Variants in QPRT observed in about 807,000 individuals in gnomAD.
QPRT encodes the protein quinolinate phosphoribosyltransferase, also known as nicotinate-nucleotide pyrophosphorylase [carboxylating].
Under a neutral mutation model 19.8 loss-of-function variants are expected in QPRT, and 17 were observed. The ratio of observed to expected loss-of-function variants is 0.86; its 90% CI spans 0.59 to 1.29. The LOEUF is 1.29. Ranked by LOEUF, QPRT falls within the 50% of genes most tolerant of loss-of-function variation. QPRT has a pLI of 0.00. For synonymous variants in QPRT, 178 were observed against 191.0 expected, an observed-to-expected ratio of 0.93 and a Z score of 0.56; for missense variants, 336 against 405.1, an observed-to-expected ratio of 0.83 and a Z score of 1.46.
At chr16:29,694,362 G>A (rs1032036016) in intron 1 of QPRT, among the ~76,000 whole-genome samples, 3 of 150,676 alleles carry the variant, frequency 2.0e-5, no homozygotes, top group Non-Finnish European at 4.4e-5. Flanking sequence ...CTCGTGATCC[G>A]CCCGCCTCGG....
intron 1 of QPRT, among the ~76,000 whole-genome samples, chr16:29,688,407 G>T (rs575169132): frequency 6.6e-6 from 1 of 152,136 alleles, no homozygotes; most frequent in African/African-American, 2.4e-5. Context: ...ACGATGCAGA[G>T]GTGAACACGG....
chr16:29,684,073 C>A (rs924980596), intron 1 of QPRT, among the ~76,000 whole-genome samples: 1 of 152,158 alleles, frequency 6.6e-6, no homozygotes, highest in African/African-American at 2.4e-5. Flanking sequence ...GGTACCCACT[C>A]CTGATGATGC....
At chr16:29,688,682 G>A (rs1967232669) in intron 1 of QPRT, among the ~76,000 whole-genome samples, 1 of 151,784 alleles carries the variant, frequency 6.6e-6, no homozygotes, top group Non-Finnish European at 1.5e-5. Flanking sequence ...ACCACACCCA[G>A]CTAAGTTTTG....
rs909659535 is a variant in QPRT, at chr16:29,694,831, G to C, written c.181G>C (p.Asp61His). The C allele has an allele frequency of 1.2e-6, 2 of 1,613,980 alleles. No homozygotes were observed. The highest frequency in any genetic ancestry group is 2.7e-5 in the African/African-American group (2 of 74,920). ...GGTACTGGCAGGGCAGCCTTTCTTC[G>C]ATGCCATATTTACCCAACTCAACTG... Reference protein sequence around the residue: ...PGVLAGQPFFDAIFTQLNCQV... With the variant: ...PGVLAGQPFFHAIFTQLNCQV... The change falls in exon 2 of 4, where the codon GAT (aspartate) becomes CAT (histidine). Residue 61 changes from aspartate (D) to histidine (H), a missense_variant. Physicochemically the swap from Asp to His is moderately conservative, Grantham distance 81. Transcript: ENST00000395384.
chr16:29,693,468 AG>A (rs1207130758), intron 1 of QPRT, among the ~76,000 whole-genome samples: 4 of 152,110 alleles, frequency 2.6e-5, no homozygotes, highest in African/African-American at 9.6e-5. Flanking sequence ...CATGTTGGCC[AG>A]GCTGGTCTTG....
chr16:29,687,181 G>A (rs567647757), intron 1 of QPRT, among the ~76,000 whole-genome samples: 1 of 152,180 alleles, frequency 6.6e-6, no homozygotes, highest in East Asian at 1.9e-4. Context: ...TGGTCCCTCT[G>A]TGCTTCCTGT....
At position 29,696,982 on chromosome 16, in the gene QPRT, CG is replaced by C; in HGVS notation, c.550-12del. ...GGCCCAGTCCTCACCCTTGTCCTCCCGGCTGCCCAGCAGGCGGTGCGGGCGG... is the reference window on the plus strand; with the variant it reads ...GGCCCAGTCCTCACCCTTGTCCTCCCGCTGCCCAGCAGGCGGTGCGGGCGG... On this transcript the variant is annotated splice_polypyrimidine_tract_variant and intron_variant, in intron 2 of 3. Transcript: ENST00000395384. 6.3e-7 allele frequency: 1 copy of C among 1,589,416 alleles called. No individual in the cohort carries two copies. Among genetic ancestry groups the C allele is most frequent in the Non-Finnish European group, 8.5e-7 (1 of 1,170,210 alleles).
chr16:29,692,177 T>C (rs934402389), intron 1 of QPRT, among the ~76,000 whole-genome samples: 5 of 152,224 alleles, frequency 3.3e-5, no homozygotes, highest in Non-Finnish European at 7.3e-5. Flanking sequence ...GGTTTGCCTC[T>C]GCCCGCAGCC....
rs750754975 is a variant in QPRT at position 29,695,146 on chromosome 16, G to A, written c.496G>A (p.Gly166Arg). 3.9e-5 allele frequency: 62 copies of A among 1,578,782 alleles called. No individual in the cohort carries two copies. The highest frequency in any genetic ancestry group is 4.9e-5 in the Non-Finnish European group (57 of 1,163,078). ...GAASHRYDLG[G>R]LVMVKDNHVV... ...CGCCTCGCACCGCTACGACCTGGGA[G>A]GGCTGGTGATGGTGAAGGATAACCA... Residue 166 changes from glycine to arginine, a missense_variant, in exon 2 of 4, where the codon GGG (glycine) becomes AGG (arginine). Transcript: ENST00000395384.
At position 29,694,682 on chromosome 16, in the gene QPRT, C is replaced by T. The variant is rs201988464; in HGVS notation, c.32C>T (p.Pro11Leu). MDAEGLALLL[P>L]PVTLAALVDS... ...CCCCCAGGCCTGGCGCTGCTGCTGC[C>T]GCCCGTCACCCTGGCAGCCCTGGTG... Residue 11 changes from proline to leucine, a missense_variant, in exon 2 of 4, where the codon CCG (proline) becomes CTG (leucine). Coordinates refer to ENST00000395384, the MANE Select transcript of QPRT (RefSeq NM_014298.6). 1.3e-5 allele frequency: 20 copies of T among 1,546,008 alleles called. No homozygotes were observed. In the East Asian group the frequency reaches 2.7e-4, roughly 21 times the overall value.
chr16:29,687,340 C>T (rs1967193071), intron 1 of QPRT, among the ~76,000 whole-genome samples: 1 of 152,200 alleles, frequency 6.6e-6, no homozygotes, highest in Non-Finnish European at 1.5e-5. Flanking sequence ...CAAATATTGG[C>T]AATTTTATAT....
At chr16:29,693,525 C>A (rs960023400) in intron 1 of QPRT, among the ~76,000 whole-genome samples, 2 of 151,592 alleles carry the variant, frequency 1.3e-5, no homozygotes, top group African/African-American at 4.8e-5. Flanking sequence ...TCCCAAAGTG[C>A]TGGGATTACA....
chr16:29,681,481 C>T (rs1240468443), intron 1 of QPRT, among the ~76,000 whole-genome samples: 1 of 140,998 alleles, frequency 7.1e-6, no homozygotes, highest in Non-Finnish European at 1.5e-5. Flanking sequence ...TAATTTTCAT[C>T]AGATCCAGAT....
intron 2 of QPRT, 124 bp from the exon 3 acceptor site, chr16:29,696,872 C>G: frequency 8.4e-7 from 1 of 1,190,554 alleles, no homozygotes; most frequent in Non-Finnish European, 1.1e-6. Context: ...AATGTCAGTC[C>G]CGGCTCCCCG....
intron 1 of QPRT, among the ~76,000 whole-genome samples, chr16:29,692,115 T>C (rs933291352): frequency 3.9e-5 from 6 of 152,068 alleles, no homozygotes; most frequent in African/African-American, 1.2e-4. Context: ...GGGGGTCCAT[T>C]AGGCTGCAGG....
rs1402262135 is a variant in QPRT, at chr16:29,694,647, T to C, written c.14-17T>C. On this transcript the variant is annotated splice_polypyrimidine_tract_variant and intron_variant, in intron 1 of 3. Coordinates refer to ENST00000395384, the MANE Select transcript of QPRT (RefSeq NM_014298.6). ...GAGAGGCAGCCAAACTCAACAGCTGTTCTCTCTTCCCCCCAGGCCTGGCGC... is the reference window on the plus strand; with the variant it reads ...GAGAGGCAGCCAAACTCAACAGCTGCTCTCTCTTCCCCCCAGGCCTGGCGC... The C allele has an allele frequency of 1.3e-6, 2 of 1,515,602 alleles. No homozygotes were observed. The highest frequency in any genetic ancestry group is 1.8e-6 in the Non-Finnish European group (2 of 1,133,656). 93.9% of individuals were successfully genotyped at this position (1,515,602 alleles called of 1,614,324 possible).
At chr16:29,679,318 T>G in intron 1 of QPRT, 108 bp downstream of exon 1, 1 of 766,270 alleles carries the variant, frequency 1.3e-6, no homozygotes, top group South Asian at 1.8e-5. Context: ...TGGAGTCATC[T>G]CTCCTCTGGT....
At chr16:29,691,156 G>C (rs1967315548) in intron 1 of QPRT, among the ~76,000 whole-genome samples, 1 of 151,664 alleles carries the variant, frequency 6.6e-6, no homozygotes, top group Non-Finnish European at 1.5e-5. Flanking sequence ...CCTGAGGTCA[G>C]GAGTTTGAGA....
intron 1 of QPRT, among the ~76,000 whole-genome samples, chr16:29,685,635 A>G (rs750334372): frequency 1.3e-5 from 2 of 151,954 alleles, no homozygotes; most frequent in African/African-American, 2.4e-5. Context: ...TTGCCTCCCA[A>G]TCTGTCTCCA....
Sources: gnomAD v4.1 joint callset for allele counts (sites outside exome capture counted in the v4.1 genomes callset) on GRCh38, gnomAD v4.1.1 for gene constraint, MANE v1.5 for transcripts, NCBI Gene and HGNC (gene_info 2026-07-23, HGNC 2026-07-21) for gene names.